Variants in KLHL7 observed in about 807,000 individuals in gnomAD.
The protein encoded by KLHL7 is kelch-like protein 7.
KLHL7 carries 44 observed loss-of-function variants against 67.4 expected under a neutral mutation model. The ratio of observed to expected loss-of-function variants is 0.65; its 90% confidence interval spans 0.51 to 0.84. KLHL7 has a LOEUF of 0.84. Among genes scored for constraint, KLHL7 ranks in the 40% least tolerant of loss-of-function variants. The pLI, the probability that KLHL7 is intolerant of heterozygous loss-of-function variation, is 0.00. For missense variants in KLHL7, 362 were observed against 718.1 expected (o/e 0.50, Z 5.67); for synonymous variants, 252 against 243.3 (o/e 1.04, Z -0.33).
intron 8 of KLHL7, among the ~76,000 whole-genome samples, chr7:23,167,484 A>G (rs772804494): frequency 8.5e-5 from 13 of 152,202 alleles, no homozygotes; most frequent in Non-Finnish European, 1.5e-4. Flanking sequence ...TCCACTTTAT[A>G]TAAACATTTG....
At chr7:23,126,056 G>A in intron 4 of KLHL7, 1 of 664,010 alleles carries the variant, frequency 1.5e-6, no homozygotes, top group South Asian at 1.6e-5. Flanking sequence ...CAATATGCTA[G>A]CATCACTACT....
chr7:23,145,394 G>A (rs2128465374), intron 6 of KLHL7, among the ~76,000 whole-genome samples: 1 of 151,914 alleles, frequency 6.6e-6, no homozygotes, highest in Non-Finnish European at 1.5e-5. Context: ...AGTAGTCTTT[G>A]TAGTGCTTTT....
intron 7 of KLHL7, among the ~76,000 whole-genome samples, chr7:23,160,159 G>A (rs995080148): frequency 2.6e-5 from 4 of 152,272 alleles, no homozygotes; most frequent in Admixed American, 2.6e-4. Context: ...TCTGGGATTT[G>A]AGATAATTTA....
chr7:23,124,314 A>G (rs1391338562), intron 2 of KLHL7, among the ~76,000 whole-genome samples: 1 of 152,080 alleles, frequency 6.6e-6, no homozygotes, highest in Non-Finnish European at 1.5e-5. Flanking sequence ...TTTAAAAAAA[A>G]AATAGCTGTA....
chr7:23,175,580 GAT>G lies in KLHL7; in HGVS notation c.*1284_*1285del, dbSNP rs774346279. On this transcript the variant is annotated 3_prime_UTR_variant, in exon 11 of 11. Transcript: ENST00000339077. ...AAAAAGGAATTAGGAAAAACATAAT[GAT>G]AGGTATATTTCTATTTGTGTAGGGT... 1.1e-4 allele frequency: 35 copies of G among 323,924 alleles called. No homozygotes were observed. Among genetic ancestry groups the G allele is most frequent in the Non-Finnish European group, 1.9e-4 (33 of 169,246 alleles). 20.1% of individuals were successfully genotyped at this position (323,924 alleles called of 1,614,324 possible). A position where few individuals can be genotyped will look rare whatever the true frequency, so the allele number is the denominator to read the frequency against.
At position 23,125,144 on chromosome 7, in the gene KLHL7, A is replaced by G; in HGVS notation, c.414A>G (p.Lys138=). ...AGAAAATGTGTGTTGATTTTTTGAA[A>G]GAACAAGTTGATGCTTCAAATTGTC... is the stretch of plus-strand genomic sequence containing the variant. ...PVKKMCVDFL[K]EQVDASNCLG... is the part of the protein sequence containing the mutation. Residue 138 remains lysine (K), a synonymous_variant, in exon 4 of 11, where the codon AAA becomes AAG. Coordinates refer to ENST00000339077, the MANE Select transcript of KLHL7 (RefSeq NM_001031710.3). The G allele has an allele frequency of 1.2e-6, 2 of 1,613,630 alleles. No homozygotes were observed. Among genetic ancestry groups the G allele is most frequent in the Non-Finnish European group, 1.7e-6 (2 of 1,179,628 alleles).
chr7:23,153,985 C>G (rs1406080), intron 7 of KLHL7, among the ~76,000 whole-genome samples: 140,883 of 152,244 alleles, frequency 0.93, 65,370 homozygotes, highest in East Asian at 0.99. Context: ...GCATGCCATT[C>G]ATTCTCTGAC....
intron 1 of KLHL7, among the ~76,000 whole-genome samples, chr7:23,116,785 C>T (rs1306521844): frequency 6.6e-6 from 1 of 152,162 alleles, no homozygotes; most frequent in Non-Finnish European, 1.5e-5. Flanking sequence ...GGTTATTTGA[C>T]TTACTTTAAT....
At position 23,175,814 on chromosome 7, in the gene KLHL7, A is replaced by C; in HGVS notation, c.*1516A>C. The C allele has an allele frequency of 6.2e-6, 1 of 162,506 alleles. No homozygotes were observed. The highest frequency in any genetic ancestry group is 1.6e-4 in the South Asian group (1 of 6,238). 10.1% of individuals were successfully genotyped at this position (162,506 alleles called of 1,614,324 possible). On this transcript the variant is annotated 3_prime_UTR_variant, in exon 11 of 11. Coordinates refer to ENST00000339077, the MANE Select transcript of KLHL7 (RefSeq NM_001031710.3). ...CGTCTCTACTAAAAATACAAAAATT[A>C]GCCAGGCCTGGTGGTGTGCACTTGT...
In KLHL7 at chr7:23,174,104, T is replaced by TGTGCAGCA. The variant is rs758893881; in HGVS notation, c.1570_1577dup (p.Gly527GlnfsTer6). The TGTGCAGCA allele has an allele frequency of 6.2e-7, 1 of 1,614,188 alleles. No homozygotes were observed. On this transcript the variant is annotated frameshift_variant, in exon 11 of 11. Transcript: ENST00000339077. LOFTEE classifies it high-confidence loss of function. Reference sequence around the variant, plus strand: ...GCCATGGAAGGGTGTAACAGTGAAATGTGCAGCAGTTGGCTCTATAGTTTA... The same window carrying TGTGCAGCA: ...GCCATGGAAGGGTGTAACAGTGAAATGTGCAGCAGTGCAGCAGTTGGCTCTATAGTTTA...
chr7:23,107,489 GTAAAGCATTGCCTTAATCCC>G (rs1294873504), intron 1 of KLHL7, among the ~76,000 whole-genome samples: 4 of 152,184 alleles, frequency 2.6e-5, no homozygotes, highest in African/African-American at 9.7e-5. Flanking sequence ...TCATAGCATT[GTAAAGCATTGCCTTAATCCC>G]TAAATAGGGT....
rs1390349338 is a variant in KLHL7, at chr7:23,141,049, G to T, written c.618+105G>T. 3 of 1,018,540 alleles carry T rather than the reference G, an allele frequency of 2.9e-6. No individual in the cohort carries two copies. In the Admixed American group the frequency reaches 5.3e-5, roughly 18 times the overall value. The allele number at this position is 1,018,540 out of a possible 1,614,324, so 63.1% of individuals were successfully genotyped here. A position where few individuals can be genotyped will look rare whatever the true frequency, so the allele number is the denominator to read the frequency against. On this transcript the variant is annotated intron_variant, in intron 5 of 10. Coordinates refer to ENST00000339077, the MANE Select transcript of KLHL7 (RefSeq NM_001031710.3). ...CAAGGGAAAGAGTCATATTAGGAAA[G>T]AATATGTTCTTTACACTAAACAGAG...
chr7:23,124,861 C>T, intron 3 of KLHL7, 80 bp downstream of exon 3: 1 of 1,149,520 alleles, frequency 8.7e-7, no homozygotes, highest in Non-Finnish European at 1.3e-6. Context: ...CAAATAGTTG[C>T]ACTACAAATT....
intron 6 of KLHL7, among the ~76,000 whole-genome samples, chr7:23,149,076 A>G (rs1016508749): frequency 2.0e-5 from 3 of 152,218 alleles, no homozygotes; most frequent in African/African-American, 7.2e-5. Context: ...AAAATAACAT[A>G]AAACTAAGCT....
chr7:23,156,837 T>C (rs1784720587), intron 7 of KLHL7, among the ~76,000 whole-genome samples: 1 of 152,188 alleles, frequency 6.6e-6, no homozygotes. Context: ...TACTCAAGTT[T>C]ATAAGGATGA....
At chr7:23,116,323 A>G (rs377485094) in intron 1 of KLHL7, among the ~76,000 whole-genome samples, 29 of 152,312 alleles carry the variant, frequency 1.9e-4, no homozygotes, top group African/African-American at 6.7e-4. Context: ...CCCTTACAGC[A>G]TGCTCCTCAA....
chr7:23,128,321 G>C (rs1484412593), intron 4 of KLHL7, among the ~76,000 whole-genome samples: 1 of 144,464 alleles, frequency 6.9e-6, no homozygotes, highest in Non-Finnish European at 1.5e-5. Flanking sequence ...GAAGATAAAA[G>C]AAAGGGAAGG....
intron 9 of KLHL7, chr7:23,172,231 C>T: frequency 4.4e-6 from 2 of 455,378 alleles, no homozygotes; most frequent in South Asian, 1.6e-5. Context: ...AAAAAAATAA[C>T]TAAACTCGAT....
intron 7 of KLHL7, chr7:23,155,988 C>T: frequency 2.2e-6 from 1 of 460,248 alleles, no homozygotes. Flanking sequence ...TTTTATTGGA[C>T]AGTTGAAAAG....
Sources: allele counts gnomAD v4.1 joint callset (sites outside exome capture counted in the v4.1 genomes callset), GRCh38; gene constraint gnomAD v4.1.1; transcripts MANE v1.5; gene names NCBI Gene and HGNC (gene_info 2026-07-23, HGNC 2026-07-21).